Variants in UGP2 observed in about 807,000 individuals in gnomAD.
UGP2 encodes UTP--glucose-1-phosphate uridylyltransferase.
In UGP2, 40 loss-of-function variants were observed where a neutral mutation model predicts 49.0. The observed-to-expected ratio is 0.82, with a 90% CI of 0.63 to 1.06. The LOEUF is 1.06. Ranked by LOEUF, UGP2 falls within the 50% of genes least tolerant of loss-of-function variation. UGP2 has a pLI of 0.00. For synonymous variants in UGP2, 225 were observed against 213.0 expected, an observed-to-expected ratio of 1.06 and a Z score of -0.49; for missense variants, 460 against 603.5, an observed-to-expected ratio of 0.76 and a Z score of 2.49.
chr2:63,887,304 T>C, intron 7 of UGP2, 98 bp from the exon 8 acceptor site: 1 of 1,497,082 alleles, frequency 6.7e-7, no homozygotes, highest in Non-Finnish European at 9.0e-7. Flanking sequence ...TCAATGGATC[T>C]CTGAAATCAC....
At chr2:63,877,016 C>G (rs1474492979) in intron 3 of UGP2, among the ~76,000 whole-genome samples, 1 of 152,222 alleles carries the variant, frequency 6.6e-6, no homozygotes, top group African/African-American at 2.4e-5. Context: ...GGCTGAGAAT[C>G]TATATCACCA....
intron 5 of UGP2, among the ~76,000 whole-genome samples, chr2:63,884,648 A>G (rs551288299): frequency 3.3e-5 from 5 of 152,268 alleles, no homozygotes; most frequent in South Asian, 2.1e-4. Flanking sequence ...GTGGTGGCTT[A>G]TACCTGTAAT....
At chr2:63,883,902 C>T in intron 4 of UGP2, 58 bp from the exon 5 acceptor site, 1 of 1,549,732 alleles carries the variant, frequency 6.5e-7, no homozygotes. Flanking sequence ...ACTAATTTTG[C>T]ATATTTGAGC....
intron 3 of UGP2, among the ~76,000 whole-genome samples, chr2:63,870,056 G>A (rs1018247523): frequency 6.6e-6 from 1 of 151,578 alleles, no homozygotes; most frequent in African/African-American, 2.4e-5. Context: ...CTGAGTAGCT[G>A]GGACTGTAGG....
At chr2:63,891,096 T>A in intron 9 of UGP2, 24 bp from the exon 10 acceptor site, 2 of 1,595,226 alleles carry the variant, frequency 1.3e-6, no homozygotes, top group Non-Finnish European at 1.7e-6. Flanking sequence ...GCAAGTACAC[T>A]CTTTTGTTTT....
intron 1 of UGP2, among the ~76,000 whole-genome samples, chr2:63,847,189 A>C (rs1234323764): frequency 6.6e-6 from 1 of 152,230 alleles, no homozygotes; most frequent in Non-Finnish European, 1.5e-5. Flanking sequence ...TGCCATTTTA[A>C]TATTCTGAAT....
chr2:63,882,490 G>A lies in UGP2; in HGVS notation c.280G>A (p.Ala94Thr), dbSNP rs370116660. The change falls in exon 4 of 10, where the codon GCC becomes ACC. Residue 94 changes from alanine to threonine, a missense_variant. By Grantham distance (58) the Ala-to-Thr change is moderately conservative (BLOSUM62 0). Coordinates refer to ENST00000337130, the MANE Select transcript of UGP2 (RefSeq NM_006759.4). Reference protein sequence around the residue: ...DSIQPYEKIKARGLPDNISSV... With the variant: ...DSIQPYEKIKTRGLPDNISSV... The stretch of plus-strand genomic sequence containing the variant: ...GATTCAACCCTATGAAAAGATAAAG[G>A]CCAGGGGCTTGCCTGATAATATATC... 1.1e-5 allele frequency: 18 copies of A among 1,600,922 alleles called. No individual in the cohort carries two copies. Among genetic ancestry groups the A allele is most frequent in the Non-Finnish European group, 1.5e-5 (18 of 1,170,808 alleles).
At chr2:63,848,662 A>G (rs1668833555) in intron 1 of UGP2, among the ~76,000 whole-genome samples, 1 of 152,204 alleles carries the variant, frequency 6.6e-6, no homozygotes, top group African/African-American at 2.4e-5. Flanking sequence ...GCGCCCAGCC[A>G]ATTCTTAGAT....
intron 3 of UGP2, among the ~76,000 whole-genome samples, chr2:63,878,846 G>T (rs1671105128): frequency 6.6e-6 from 1 of 152,180 alleles, no homozygotes; most frequent in Admixed American, 6.5e-5. Flanking sequence ...GATTACAGAT[G>T]TGAGCCCTTG....
At position 63,885,751 on chromosome 2, in the gene UGP2, T is replaced by C; in HGVS notation, c.738T>C (p.Tyr246=). 4 of 1,614,038 alleles carry C rather than the reference T, an allele frequency of 2.5e-6. No individual in the cohort carries two copies. Among genetic ancestry groups the C allele is most frequent in the Non-Finnish European group, 3.4e-6 (4 of 1,179,974 alleles). The change falls in exon 6 of 10, where the codon TAT becomes TAC. Residue 246 remains tyrosine, a synonymous_variant. Coordinates refer to ENST00000337130, the MANE Select transcript of UGP2 (RefSeq NM_006759.4). The part of the protein sequence containing the change: ...LDTFIGEGKE[Y]IFVSNIDNLG... ...CCTTTATAGGAGAAGGCAAAGAGTA[T>C]ATTTTTGTGTCTAACATAGATAATC...
Position 63,854,105 on chromosome 2 carries a change from G to A in UGP2, c.20-2201G>A, listed in dbSNP as rs1330631216. Among the ~76,000 whole-genome samples, 4 of 152,172 alleles carry A rather than the reference G, an allele frequency of 2.6e-5. No homozygotes were observed. The South Asian group carries it at 6.2e-4, about 24-fold the overall frequency. On this transcript the variant is annotated intron_variant, in intron 1 of 9. Transcript: ENST00000337130. ...TATTTCTGCCTCACTGTGGTGGAAT[G>A]GGACTAAAAAAACATGGCTTTGCTT...
intron 5 of UGP2, among the ~76,000 whole-genome samples, chr2:63,885,133 G>T (rs1352418820): frequency 6.6e-6 from 1 of 151,148 alleles, no homozygotes; most frequent in East Asian, 2.0e-4. Context: ...GTGGTGGGAA[G>T]CAGACATCTT....
chr2:63,890,386 A>G (rs569713036), intron 9 of UGP2, among the ~76,000 whole-genome samples: 1 of 152,298 alleles, frequency 6.6e-6, no homozygotes, highest in East Asian at 1.9e-4. Flanking sequence ...ATTGAGTAAA[A>G]GCAGAAAAAA....
At chr2:63,848,301 T>C (rs1237280553) in intron 1 of UGP2, among the ~76,000 whole-genome samples, 1 of 152,246 alleles carries the variant, frequency 6.6e-6, no homozygotes, top group African/African-American at 2.4e-5. Flanking sequence ...CATCTTGGTC[T>C]TGGTAATTGA....
At chr2:63,883,615 T>C (rs1269769377) in intron 4 of UGP2, among the ~76,000 whole-genome samples, 1 of 152,184 alleles carries the variant, frequency 6.6e-6, no homozygotes, top group Non-Finnish European at 1.5e-5. Flanking sequence ...CAGAGCACTG[T>C]GGCTGTACAC....
intron 1 of UGP2, among the ~76,000 whole-genome samples, chr2:63,847,818 T>A (rs1402946452): frequency 6.6e-6 from 1 of 152,306 alleles, no homozygotes; most frequent in East Asian, 1.9e-4. Context: ...CATATTCACT[T>A]CTTTTGTGAT....
At chr2:63,857,288 A>C (rs1222062877) in intron 2 of UGP2, among the ~76,000 whole-genome samples, 1 of 151,756 alleles carries the variant, frequency 6.6e-6, no homozygotes, top group Non-Finnish European at 1.5e-5. Flanking sequence ...ACAACAGAGC[A>C]AGACTCTGTC....
In UGP2 at chr2:63,858,102, G is replaced by T. The variant is rs954769725; in HGVS notation, c.255+166G>T. On this transcript the variant is annotated intron_variant, in intron 3 of 9. Coordinates refer to ENST00000337130, the MANE Select transcript of UGP2 (RefSeq NM_006759.4). The stretch of plus-strand genomic sequence containing the variant: ...CCTGAAACTATGGAGACAGCCTTCA[G>T]CTCCTTTCCCTTCTTTTAGACCTCT... 12 of 614,736 alleles carry T rather than the reference G, an allele frequency of 2.0e-5. No homozygotes were observed. The African/African-American group carries it at 2.2e-4, about 11-fold the overall frequency. 38.1% of individuals were successfully genotyped at this position (614,736 alleles called of 1,614,324 possible).
intron 3 of UGP2, among the ~76,000 whole-genome samples, chr2:63,871,866 T>C (rs1407174627): frequency 6.6e-6 from 1 of 152,178 alleles, no homozygotes; most frequent in African/African-American, 2.4e-5. Context: ...GGGAGAAATA[T>C]TATCAAAGCT....
Sources: allele counts gnomAD v4.1 joint callset (sites outside exome capture counted in the v4.1 genomes callset), GRCh38; gene constraint gnomAD v4.1.1; transcripts MANE v1.5; gene names NCBI Gene and HGNC (gene_info 2026-07-23, HGNC 2026-07-21).